The following EPHB1 variants were observed in gnomAD, a reference collection of about 807,000 sequenced individuals.
EPHB1 encodes the protein ephrin type-B receptor 1.
In EPHB1, 30 loss-of-function variants were observed where a neutral mutation model predicts 94.4. The ratio of observed to expected loss-of-function variants is 0.32; its 90% CI spans 0.24 to 0.43. The LOEUF is 0.43. Ranked by LOEUF, EPHB1 falls within the 20% of genes least tolerant of loss-of-function variation. EPHB1 has a pLI of 1.00. For missense variants in EPHB1, 1,055 were observed against 1,308.3 expected (o/e 0.81, Z 2.99); for synonymous variants, 522 against 489.1 (o/e 1.07, Z -0.89).
chr3:135,161,793 T>C (rs1396003406), intron 6 of EPHB1, among the ~76,000 whole-genome samples: 1 of 152,114 alleles, frequency 6.6e-6, no homozygotes, highest in Non-Finnish European at 1.5e-5. Context: ...CCTGGGCCCC[T>C]TTTTTCAGAG....
intron 10 of EPHB1, among the ~76,000 whole-genome samples, chr3:135,185,353 G>C (rs9826754): frequency 0.056 from 8,479 of 152,254 alleles, 370 homozygotes; most frequent in East Asian, 0.23. Context: ...CAGCATGAGG[G>C]TAGCTCCACA....
At chr3:135,169,286 A>G (rs1248053618) in intron 9 of EPHB1, among the ~76,000 whole-genome samples, 1 of 152,184 alleles carries the variant, frequency 6.6e-6, no homozygotes, top group Non-Finnish European at 1.5e-5. Flanking sequence ...GGCCAGCTAC[A>G]TAGTCGCCAT....
At chr3:135,183,029 T>C (rs1468301359) in intron 10 of EPHB1, among the ~76,000 whole-genome samples, 2 of 70,174 alleles carry the variant, frequency 2.9e-5, no homozygotes, top group African/African-American at 7.3e-5. Context: ...TCTTTTCTTT[T>C]CTTTCTTTCT....
chr3:135,117,870 C>T (rs1319790142), intron 4 of EPHB1, among the ~76,000 whole-genome samples: 1 of 152,034 alleles, frequency 6.6e-6, no homozygotes, highest in Non-Finnish European at 1.5e-5. Context: ...AGTGAACTTG[C>T]ATGGCAGCTG....
At chr3:135,203,585 A>G (rs1576466569) in intron 12 of EPHB1, among the ~76,000 whole-genome samples, 1 of 152,200 alleles carries the variant, frequency 6.6e-6, no homozygotes, top group East Asian at 1.9e-4. Flanking sequence ...CCCCTTAAAA[A>G]GTTATAAATA....
At chr3:135,138,528 T>G (rs560296009) in intron 5 of EPHB1, among the ~76,000 whole-genome samples, 117 of 152,336 alleles carry the variant, frequency 7.7e-4, no homozygotes, top group African/African-American at 2.8e-3. Flanking sequence ...AATTAAATAT[T>G]AAAACAATAT....
chr3:135,232,359 G>A (rs946012108), intron 12 of EPHB1, among the ~76,000 whole-genome samples: 1 of 152,222 alleles, frequency 6.6e-6, no homozygotes, highest in Non-Finnish European at 1.5e-5. Context: ...GTGCCACATG[G>A]ATGCCCCCTG....
chr3:135,122,599 G>T (rs1036939994), intron 4 of EPHB1, among the ~76,000 whole-genome samples: 5 of 152,074 alleles, frequency 3.3e-5, no homozygotes, highest in African/African-American at 1.2e-4. Context: ...GGATCCAGGG[G>T]CCTCAGCCAT....
chr3:135,133,834 A>G (rs1242600254), intron 5 of EPHB1, among the ~76,000 whole-genome samples: 2 of 152,180 alleles, frequency 1.3e-5, no homozygotes, highest in East Asian at 1.9e-4. Context: ...TTTTATATCA[A>G]TTTAACGAGT....
At chr3:135,252,447 T>C (rs1576503426) in intron 15 of EPHB1, among the ~76,000 whole-genome samples, 1 of 143,202 alleles carries the variant, frequency 7.0e-6, no homozygotes, top group South Asian at 2.3e-4. Flanking sequence ...TTCCCACCTA[T>C]GAGTGAGAAT....
chr3:134,883,986 A>G (rs530811078), intron 1 of EPHB1, among the ~76,000 whole-genome samples: 83 of 152,356 alleles, frequency 5.4e-4, no homozygotes, highest in African/African-American at 2.0e-3. Context: ...TGCAGCCACC[A>G]TGAATTTAAA....
intron 4 of EPHB1, among the ~76,000 whole-genome samples, chr3:135,118,810 C>A (rs1214953186): frequency 3.3e-5 from 5 of 152,172 alleles, no homozygotes; most frequent in Non-Finnish European, 7.4e-5. Flanking sequence ...TACAGTTCCC[C>A]ATGGGTGAGT....
Position 134,997,699 on chromosome 3 carries a change from C to T in EPHB1, c.805+45647C>T, listed in dbSNP as rs961151001. Reference sequence around the variant, plus strand: ...GATAAACCTTCCTTTTCATCTAAACCTGCTTATTTTCCTCTCTTGTGACTT... The same window carrying T: ...GATAAACCTTCCTTTTCATCTAAACTTGCTTATTTTCCTCTCTTGTGACTT... On this transcript the variant is annotated intron_variant, in intron 3 of 15. Transcript: ENST00000398015. 2.0e-5 allele frequency among the ~76,000 whole-genome samples: 3 copies of T among 152,130 alleles called. No individual in the cohort carries two copies. The South Asian group carries it at 6.2e-4, about 32-fold the overall frequency.
chr3:135,173,443 C>T (rs183179007), intron 9 of EPHB1, among the ~76,000 whole-genome samples: 95 of 152,182 alleles, frequency 6.2e-4, no homozygotes, highest in African/African-American at 2.2e-3. Context: ...GTGGTAAAAC[C>T]CCCAAACACA....
chr3:134,887,499 T>C (rs1308147949), intron 1 of EPHB1, among the ~76,000 whole-genome samples: 2 of 152,210 alleles, frequency 1.3e-5, no homozygotes, highest in Non-Finnish European at 2.9e-5. Flanking sequence ...ATTATAACCA[T>C]CTACCATGAT....
intron 4 of EPHB1, among the ~76,000 whole-genome samples, chr3:135,127,144 G>T (rs562310103): frequency 7.9e-5 from 12 of 152,298 alleles, no homozygotes; most frequent in Non-Finnish European, 1.8e-4. Context: ...ACCAACTAGA[G>T]AATATGTTTT....
chr3:135,199,382 T>C (rs1235622760), intron 11 of EPHB1, among the ~76,000 whole-genome samples: 3 of 152,182 alleles, frequency 2.0e-5, no homozygotes, highest in Admixed American at 6.5e-5. Flanking sequence ...AAGGTGTTGA[T>C]TGAAGTGTAT....
intron 5 of EPHB1, among the ~76,000 whole-genome samples, chr3:135,136,244 G>A (rs766380273): frequency 7.2e-5 from 11 of 152,126 alleles, no homozygotes; most frequent in Non-Finnish European, 1.3e-4. Context: ...TGGTCATTGG[G>A]CACATGGTAG....
chr3:134,959,090 T>C (rs1005644774), intron 3 of EPHB1, among the ~76,000 whole-genome samples: 4 of 152,172 alleles, frequency 2.6e-5, no homozygotes, highest in Admixed American at 2.6e-4. Flanking sequence ...ACTTAATATA[T>C]ATGTATTATC....
Sources: allele counts gnomAD v4.1 joint callset (sites outside exome capture counted in the v4.1 genomes callset), GRCh38; gene constraint gnomAD v4.1.1; transcripts MANE v1.5; gene names NCBI Gene and HGNC (gene_info 2026-07-23, HGNC 2026-07-21).